NRBF2: variants seen among roughly 807,000 people sequenced by gnomAD.
The protein encoded by NRBF2 is nuclear receptor-binding factor 2.
In NRBF2, 12 loss-of-function variants were observed where a neutral mutation model predicts 28.5. The ratio of observed to expected loss-of-function variants is 0.42; its 90% confidence interval spans 0.27 to 0.68. NRBF2 has a LOEUF of 0.68. Among genes scored for constraint, NRBF2 ranks in the 30% least tolerant of loss-of-function variants. NRBF2 has a pLI of 0.24. For missense variants in NRBF2, 274 were observed against 333.5 expected (o/e 0.82, Z 1.39); for synonymous variants, 102 against 116.5 (o/e 0.88, Z 0.80).
At chr10:63,147,629 T>TA (rs397967632) in intron 2 of NRBF2, among the ~76,000 whole-genome samples, 2 of 149,892 alleles carry the variant, frequency 1.3e-5, no homozygotes, top group Admixed American at 6.7e-5. Flanking sequence ...TTTTTTTTTT[T>TA]AAGTTCTGGG....
chr10:63,142,308 TTTG>T, intron 1 of NRBF2, among the ~76,000 whole-genome samples: 1 of 149,564 alleles, frequency 6.7e-6, no homozygotes, highest in Non-Finnish European at 1.5e-5. Context: ...TTTTGTTTTT[TTTG>T]TTTTTTTTTG....
rs141743950 is a variant in NRBF2 at position 63,142,302 on chromosome 10, GT to G, written c.31-3899del. Among the ~76,000 whole-genome samples the G allele has an allele frequency of 1.8e-3, 245 of 133,288 alleles. 1 individual carries two copies. The highest frequency in any genetic ancestry group is 3.8e-3 in the Middle Eastern group (1 of 262). The allele number at this position is 133,288 out of a possible 152,430, so 87.4% of individuals were successfully genotyped here. On this transcript the variant is annotated intron_variant, in intron 1 of 3. Transcript: ENST00000277746. ...CTGAATCAGAACCTTTGTTTTTTTT[GT>G]TTTTTTTGTTTTTTTTTGAGATGGA...
chr10:63,139,066 A>G (rs1182825856), intron 1 of NRBF2, among the ~76,000 whole-genome samples: 3 of 151,968 alleles, frequency 2.0e-5, no homozygotes, highest in Non-Finnish European at 2.9e-5. Context: ...CTGGAGTGCA[A>G]TGGCGTAATC....
intron 1 of NRBF2, among the ~76,000 whole-genome samples, chr10:63,138,981 G>A (rs1485234059): frequency 4.6e-5 from 7 of 152,020 alleles, no homozygotes; most frequent in Admixed American, 2.6e-4. Flanking sequence ...TGCCTTTTCA[G>A]TGCTGTGTTC....
intron 2 of NRBF2, among the ~76,000 whole-genome samples, chr10:63,150,916 G>A (rs1323003845): frequency 1.3e-5 from 2 of 152,144 alleles, no homozygotes; most frequent in Non-Finnish European, 2.9e-5. Context: ...AGCTAATGCC[G>A]CTGCTGATCT....
chr10:63,143,918 C>T (rs960603198), intron 1 of NRBF2, among the ~76,000 whole-genome samples: 6 of 151,760 alleles, frequency 4.0e-5, no homozygotes, highest in Non-Finnish European at 5.9e-5. Context: ...GCGCCACACC[C>T]GGCTAATTTT....
At chr10:63,135,014 C>T (rs1841353746) in intron 1 of NRBF2, among the ~76,000 whole-genome samples, 1 of 152,152 alleles carries the variant, frequency 6.6e-6, no homozygotes. Flanking sequence ...ATGGCGAAAC[C>T]CGGTCTCTAC....
In NRBF2 at chr10:63,133,370, G is replaced by A. The variant is rs765132106; in HGVS notation, c.-101G>A. 2.9e-6 allele frequency: 4 copies of A among 1,375,140 alleles called. No homozygotes were observed. The highest frequency in any genetic ancestry group is 4.1e-6 in the Non-Finnish European group (4 of 982,558). 85.2% of individuals were successfully genotyped at this position (1,375,140 alleles called of 1,614,324 possible). ...CGCTGGCTCTTGGGGCGCAGAGAGGGGCCGCAGTCTCCGCGGCTGCGTCGA... is the reference window on the plus strand; with the variant it reads ...CGCTGGCTCTTGGGGCGCAGAGAGGAGCCGCAGTCTCCGCGGCTGCGTCGA... On this transcript the variant is annotated 5_prime_UTR_variant, in exon 1 of 4. Transcript: ENST00000277746.
Position 63,139,925 on chromosome 10 carries a change from C to T in NRBF2, c.31-6284C>T, listed in dbSNP as rs537261088. Among the ~76,000 whole-genome samples the T allele has an allele frequency of 5.9e-5, 9 of 151,952 alleles. No homozygotes were observed. The South Asian group carries it at 8.3e-4, about 14-fold the overall frequency. ...CCGAGGCAGGTGGACTGCTTGAGCC[C>T]GGGAGTTCAAGACCAGCCTAGGCAA... On this transcript the variant is annotated intron_variant, in intron 1 of 3. Transcript: ENST00000277746.
chr10:63,149,371 ATGT>A (rs1361278781), intron 2 of NRBF2, among the ~76,000 whole-genome samples: 3 of 152,172 alleles, frequency 2.0e-5, no homozygotes, highest in Non-Finnish European at 2.9e-5. Context: ...GCCCGGCCCA[ATGT>A]TGTTATTTTA....
At chr10:63,149,945 T>C (rs1292079399) in intron 2 of NRBF2, among the ~76,000 whole-genome samples, 1 of 132,332 alleles carries the variant, frequency 7.6e-6, no homozygotes, top group Admixed American at 8.4e-5. Context: ...TCCACAGATT[T>C]TTTTTTTTTT....
chr10:63,146,618 T>A (rs1841565160), intron 2 of NRBF2, among the ~76,000 whole-genome samples: 1 of 152,238 alleles, frequency 6.6e-6, no homozygotes, highest in Admixed American at 6.5e-5. Flanking sequence ...TTCAAATAGT[T>A]GGCCATTTCA....
Position 63,153,903 on chromosome 10 carries a change from A to G in NRBF2, c.549A>G (p.Glu183=). The G allele has an allele frequency of 6.2e-7, 1 of 1,612,060 alleles. No homozygotes were observed. The highest frequency in any genetic ancestry group is 8.5e-7 in the Non-Finnish European group (1 of 1,179,826). ...TKIADLKRHV[E]FLVAENERLR... is the part of the protein sequence containing the mutation. ...TTGCAGATTTGAAGAGGCATGTGGA[A>G]TTCCTTGTGGCTGAGAATGAAAGAT... is the stretch of plus-strand genomic sequence containing the variant. Residue 183 remains glutamate (E), a synonymous_variant, in exon 4 of 4, where the codon GAA becomes GAG. Coordinates refer to ENST00000277746, the MANE Select transcript of NRBF2 (RefSeq NM_030759.5).
At chr10:63,150,682 T>G (rs1841633904) in intron 2 of NRBF2, among the ~76,000 whole-genome samples, 2 of 152,238 alleles carry the variant, frequency 1.3e-5, no homozygotes, top group Admixed American at 6.5e-5. Flanking sequence ...ATTACATTTA[T>G]TGTACACTTT....
At chr10:63,136,128 T>C (rs1251705027) in intron 1 of NRBF2, among the ~76,000 whole-genome samples, 1 of 30,502 alleles carries the variant, frequency 3.3e-5, no homozygotes, top group Admixed American at 2.6e-4. Flanking sequence ...TTCAGACTTT[T>C]TTTTTTTTTT....
chr10:63,144,129 T>C (rs1365766021), intron 1 of NRBF2, among the ~76,000 whole-genome samples: 4 of 152,096 alleles, frequency 2.6e-5, no homozygotes, highest in Admixed American at 2.0e-4. Flanking sequence ...AAGTGTACAG[T>C]TTAGTAGTGT....
chr10:63,149,661 C>T (rs954800020), intron 2 of NRBF2, among the ~76,000 whole-genome samples: 2 of 152,110 alleles, frequency 1.3e-5, no homozygotes, highest in Non-Finnish European at 2.9e-5. Context: ...GTGGGGAATA[C>T]TTTAAATGAC....
intron 2 of NRBF2, among the ~76,000 whole-genome samples, chr10:63,146,940 G>A (rs919034987): frequency 1.3e-5 from 2 of 152,066 alleles, no homozygotes; most frequent in African/African-American, 4.8e-5. Context: ...ATAGATCTTG[G>A]GGGCCTGTTT....
At chr10:63,151,841 T>TA (rs1193413625) in intron 2 of NRBF2, among the ~76,000 whole-genome samples, 1 of 152,224 alleles carries the variant, frequency 6.6e-6, no homozygotes, top group Non-Finnish European at 1.5e-5. Context: ...AGGGTTTGGA[T>TA]AGGTTCTTGT....
Sources: gnomAD v4.1 joint callset for allele counts (sites outside exome capture counted in the v4.1 genomes callset) on GRCh38, gnomAD v4.1.1 for gene constraint, MANE v1.5 for transcripts, NCBI Gene and HGNC (gene_info 2026-07-23, HGNC 2026-07-21) for gene names.